SLC35D1: variants seen among roughly 807,000 people sequenced by gnomAD.
SLC35D1 encodes solute carrier family 35 member D1.
A neutral mutation model predicts 46.7 loss-of-function variants in SLC35D1; 31 were observed. That is an observed-to-expected ratio of 0.66 (90% confidence interval 0.50 to 0.90). The LOEUF (loss-of-function observed/expected upper bound fraction) is 0.90. Among genes scored for constraint, SLC35D1 ranks in the 40% least tolerant of loss-of-function variants. The pLI is 0.00. For missense variants in SLC35D1, 397 were observed against 426.2 expected (o/e 0.93, Z 0.60); for synonymous variants, 195 against 164.6 (o/e 1.18, Z -1.41).
chr1:67,025,787 C>A (rs756938222), intron 8 of SLC35D1, among the ~76,000 whole-genome samples: 1 of 152,060 alleles, frequency 6.6e-6, no homozygotes, highest in Non-Finnish European at 1.5e-5. Context: ...TTAAATTTAT[C>A]CCCCAAGTAC....
At chr1:67,025,178 A>C (rs576524180) in intron 8 of SLC35D1, among the ~76,000 whole-genome samples, 1 of 152,296 alleles carries the variant, frequency 6.6e-6, no homozygotes, top group East Asian at 1.9e-4. Context: ...TGAGGTACTA[A>C]GGATTAGGAC....
chr1:67,053,711 G>T, intron 1 of SLC35D1, 100 bp downstream of exon 1: 1 of 1,174,336 alleles, frequency 8.5e-7, no homozygotes. Context: ...AACTTTGTTC[G>T]GCTTTAACTT....
chr1:67,048,973 C>T (rs1645279871), intron 6 of SLC35D1, among the ~76,000 whole-genome samples: 1 of 152,170 alleles, frequency 6.6e-6, no homozygotes, highest in Non-Finnish European at 1.5e-5. Context: ...GAAGAGGAGA[C>T]ATGCTTTTCT....
At chr1:66,991,556 C>T in the SLC35D1 span, among the ~76,000 whole-genome samples, 70 of 152,316 alleles carry the variant, frequency 4.6e-4, no homozygotes, top group African/African-American at 1.7e-3. Context: ...CCATGCTAGT[C>T]TTCACAAGGT....
At chr1:67,012,925 T>C (rs1667596929) in intron 10 of SLC35D1, among the ~76,000 whole-genome samples, 2 of 152,024 alleles carry the variant, frequency 1.3e-5, no homozygotes, top group South Asian at 2.1e-4. Flanking sequence ...GCCAGGTGCA[T>C]CCTTAGTTAA....
At chr1:66,990,880 T>C in the SLC35D1 span, among the ~76,000 whole-genome samples, 15 of 151,832 alleles carry the variant, frequency 9.9e-5, no homozygotes, top group South Asian at 3.1e-3. Flanking sequence ...AAGGGGAGGG[T>C]CGAGTCTGTT....
chr1:66,976,602 C>G, the SLC35D1 span: 1 of 1,585,912 alleles, frequency 6.3e-7, no homozygotes, highest in African/African-American at 1.4e-5. Flanking sequence ...CAGGTCCGAA[C>G]AAGGTCAGTT....
the SLC35D1 span, among the ~76,000 whole-genome samples, chr1:66,982,078 CAG>C: frequency 1.3e-5 from 2 of 152,250 alleles, no homozygotes; most frequent in African/African-American, 4.8e-5. Flanking sequence ...TATATACTAA[CAG>C]AATACAAAGT....
chr1:67,022,338 C>T (rs576910416), intron 8 of SLC35D1, among the ~76,000 whole-genome samples: 10 of 152,284 alleles, frequency 6.6e-5, no homozygotes, highest in Non-Finnish European at 1.3e-4. Flanking sequence ...TTGCTACTTC[C>T]GCATAAATCT....
At chr1:67,019,690 AGG>A (rs2102275707) in intron 10 of SLC35D1, among the ~76,000 whole-genome samples, 1 of 152,320 alleles carries the variant, frequency 6.6e-6, no homozygotes, top group African/African-American at 2.4e-5. Flanking sequence ...TGCCTTTTTA[AGG>A]AAGCAGGCCC....
chr1:67,045,396 A>G (rs1053717546), intron 7 of SLC35D1, among the ~76,000 whole-genome samples: 1 of 152,130 alleles, frequency 6.6e-6, no homozygotes, highest in African/African-American at 2.4e-5. Flanking sequence ...TGTTTAATAG[A>G]CCCTGTATCT....
intron 8 of SLC35D1, among the ~76,000 whole-genome samples, chr1:67,036,493 T>C (rs941412002): frequency 4.6e-5 from 7 of 152,252 alleles, no homozygotes; most frequent in African/African-American, 1.7e-4. Context: ...AACTGTTATA[T>C]CCTCTTGCTC....
chr1:67,007,752 A>G (rs1357419741), intron 11 of SLC35D1, among the ~76,000 whole-genome samples: 1 of 152,162 alleles, frequency 6.6e-6, no homozygotes, highest in Non-Finnish European at 1.5e-5. Flanking sequence ...AAGGAAGGGA[A>G]AGGGAAAATG....
chr1:67,022,106 C>T (rs941620056), intron 8 of SLC35D1, among the ~76,000 whole-genome samples: 3 of 152,084 alleles, frequency 2.0e-5, no homozygotes, highest in Admixed American at 6.5e-5. Context: ...TGTTTTAAAA[C>T]GGTTCATTCT....
intron 7 of SLC35D1, among the ~76,000 whole-genome samples, chr1:67,045,051 G>A (rs985366245): frequency 3.9e-5 from 6 of 152,034 alleles, no homozygotes; most frequent in Non-Finnish European, 7.4e-5. Flanking sequence ...AGCCATACTG[G>A]GACAACCTTT....
At position 67,003,529 on chromosome 1, in the gene SLC35D1, G is replaced by A. The variant is rs1667385005; in HGVS notation, c.*811C>T. The stretch of plus-strand genomic sequence containing the variant: ...GAGCTAAATTCTCAACCTTACCTGA[G>A]TCACTATGGCAGGAGTGAGATGTTT... On this transcript the variant is annotated 3_prime_UTR_variant, in exon 12 of 12. Coordinates refer to ENST00000235345, the MANE Select transcript of SLC35D1 (RefSeq NM_015139.3). 1 of 152,322 alleles carries A rather than the reference G, an allele frequency of 6.6e-6. No homozygotes were observed. Among genetic ancestry groups the A allele is most frequent in the Non-Finnish European group, 1.5e-5 (1 of 68,088 alleles). The allele number at this position is 152,322 out of a possible 1,614,324, so 9.4% of individuals were successfully genotyped here.
In SLC35D1 at chr1:67,001,302, G is replaced by A. The variant is rs1667334903; in HGVS notation, c.*3038C>T. ...GATAAAACAGGACTACCAAAAGCGT[G>A]TAAATGCACTTTTTAAAAAAAAAAA... On this transcript the variant is annotated 3_prime_UTR_variant, in exon 12 of 12. Transcript: ENST00000235345. 6.6e-6 allele frequency: 1 copy of A among 152,056 alleles called. No homozygotes were observed. The highest frequency in any genetic ancestry group is 6.6e-5 in the Admixed American group (1 of 15,238). 9.4% of individuals were successfully genotyped at this position (152,056 alleles called of 1,614,324 possible). A position where few individuals can be genotyped will look rare whatever the true frequency, so the allele number is the denominator to read the frequency against.
chr1:67,014,025 C>T (rs894569439), intron 10 of SLC35D1, among the ~76,000 whole-genome samples: 5 of 152,148 alleles, frequency 3.3e-5, no homozygotes, highest in African/African-American at 1.2e-4. Flanking sequence ...TGCCTTTCAA[C>T]GGTGCCTACT....
chr1:66,982,883 C>G, the SLC35D1 span, among the ~76,000 whole-genome samples: 33 of 152,330 alleles, frequency 2.2e-4, no homozygotes, highest in Non-Finnish European at 4.3e-4. Flanking sequence ...GACTTGATGT[C>G]TAATGTTTGT....
Sources: allele counts gnomAD v4.1 joint callset (sites outside exome capture counted in the v4.1 genomes callset), GRCh38; gene constraint gnomAD v4.1.1; transcripts MANE v1.5; gene names NCBI Gene and HGNC (gene_info 2026-07-23, HGNC 2026-07-21).